Variants in NCKAP5 observed in about 807,000 individuals in gnomAD.
NCKAP5 encodes NCK associated protein 5.
NCKAP5 carries 92 observed loss-of-function variants against 167.0 expected under a neutral mutation model. The observed-to-expected ratio is 0.55, with a 90% CI of 0.47 to 0.66. NCKAP5 has a LOEUF of 0.66. Ranked by LOEUF, NCKAP5 falls within the 30% of genes least tolerant of loss-of-function variation. NCKAP5 has a pLI of 0.00. For synonymous variants in NCKAP5, 891 were observed against 877.4 expected, an observed-to-expected ratio of 1.02 and a Z score of -0.27; for missense variants, 2,378 against 2,315.0, an observed-to-expected ratio of 1.03 and a Z score of -0.56.
chr2:132,892,737 A>T (rs1044110595), intron 8 of NCKAP5, among the ~76,000 whole-genome samples: 1 of 152,228 alleles, frequency 6.6e-6, no homozygotes, highest in Non-Finnish European at 1.5e-5. Flanking sequence ...TCCATTTTAC[A>T]GATGAAGAAA....
chr2:133,117,163 T>C (rs1023027580), intron 6 of NCKAP5: 2 of 152,234 alleles, frequency 1.3e-5, no homozygotes, highest in South Asian at 2.1e-4. Flanking sequence ...TGTAATATTA[T>C]AGTTCGTCTA....
chr2:132,723,400 G>C (rs1457786097), intron 19 of NCKAP5, among the ~76,000 whole-genome samples: 1 of 149,962 alleles, frequency 6.7e-6, no homozygotes, highest in Admixed American at 6.6e-5. Flanking sequence ...CTGACCTTGT[G>C]ATCTACCCGG....
rs563415504 is a variant in NCKAP5, at chr2:133,418,000, A to AT, written c.69+99457dup. ...TTCTTAGATGAACTTTAAAGCTGTG[A>AT]TTTTTCAGTCAAGAGGTTTGAAGGC... is the stretch of plus-strand genomic sequence containing the variant. On this transcript the variant is annotated intron_variant, in intron 3 of 19. Transcript: ENST00000409261. Among the ~76,000 whole-genome samples the AT allele has an allele frequency of 1.1e-3, 175 of 152,292 alleles. 1 individual carries two copies. Among genetic ancestry groups the AT allele is most frequent in the Middle Eastern group, 3.4e-3 (1 of 294 alleles).
At chr2:132,804,332 C>T (rs902880004) in intron 11 of NCKAP5, among the ~76,000 whole-genome samples, 2 of 152,182 alleles carry the variant, frequency 1.3e-5, no homozygotes, top group African/African-American at 4.8e-5. Flanking sequence ...CTAAGAGACA[C>T]AGAAGTGCCC....
At chr2:133,391,096 A>G (rs1687369299) in intron 3 of NCKAP5, 2 of 152,138 alleles carry the variant, frequency 1.3e-5, no homozygotes, top group Non-Finnish European at 2.9e-5. Flanking sequence ...CACTTTCCTG[A>G]GAGCTCTCTG....
At chr2:132,862,375 G>C (rs1689980242) in intron 10 of NCKAP5, among the ~76,000 whole-genome samples, 1 of 152,196 alleles carries the variant, frequency 6.6e-6, no homozygotes, top group Non-Finnish European at 1.5e-5. Context: ...CTTATGTATA[G>C]GGTGTTTTCA....
chr2:132,824,316 G>A (rs2320155), intron 11 of NCKAP5, among the ~76,000 whole-genome samples: 35,785 of 152,000 alleles, frequency 0.24, 4,401 homozygotes, highest in Middle Eastern at 0.34. Flanking sequence ...TTTTACTAGG[G>A]GCTCATGCCA....
At chr2:133,126,913 C>A (rs957350726) in intron 6 of NCKAP5, among the ~76,000 whole-genome samples, 1 of 152,002 alleles carries the variant, frequency 6.6e-6, no homozygotes, top group Non-Finnish European at 1.5e-5. Flanking sequence ...GTAAATCTAC[C>A]TTTTATTGTA....
At chr2:133,654,321 T>C in the NCKAP5 span, among the ~76,000 whole-genome samples, 1 of 152,090 alleles carries the variant, frequency 6.6e-6, no homozygotes, top group East Asian at 1.9e-4. Context: ...GAGATTGCAG[T>C]GAGCCAAGAT....
the NCKAP5 span, among the ~76,000 whole-genome samples, chr2:133,578,916 G>A: frequency 6.6e-6 from 1 of 152,184 alleles, no homozygotes; most frequent in African/African-American, 2.4e-5. Flanking sequence ...AATCTGGAGA[G>A]CCACACAATG....
intron 3 of NCKAP5, among the ~76,000 whole-genome samples, chr2:133,457,795 C>A (rs954184145): frequency 1.3e-5 from 2 of 152,066 alleles, no homozygotes; most frequent in Non-Finnish European, 2.9e-5. Context: ...AATCTCAATT[C>A]TTTTTTCTAG....
At chr2:133,270,562 A>G (rs1234452587) in intron 4 of NCKAP5, among the ~76,000 whole-genome samples, 1 of 152,228 alleles carries the variant, frequency 6.6e-6, no homozygotes, top group Non-Finnish European at 1.5e-5. Context: ...CCTAAAGCTA[A>G]ATCAAAAGGA....
chr2:132,959,239 GTCA>G (rs1338447887), intron 8 of NCKAP5, among the ~76,000 whole-genome samples: 1 of 151,988 alleles, frequency 6.6e-6, no homozygotes, highest in Non-Finnish European at 1.5e-5. Flanking sequence ...CACTGTAATT[GTCA>G]TCATTTCATG....
At chr2:132,794,223 CATATATAT>C (rs1166750939) in intron 12 of NCKAP5, among the ~76,000 whole-genome samples, 219 of 21,098 alleles carry the variant, frequency 0.01, 2 homozygotes, top group East Asian at 0.022. Context: ...AATGTTTATA[CATATATAT>C]ATATATATAT....
chr2:133,368,399 T>G (rs1685587096), intron 3 of NCKAP5, among the ~76,000 whole-genome samples: 1 of 152,244 alleles, frequency 6.6e-6, no homozygotes, highest in Admixed American at 6.5e-5. Context: ...GATTTTTATT[T>G]TTATTTTATT....
chr2:133,362,908 C>A (rs1014987199), intron 3 of NCKAP5, among the ~76,000 whole-genome samples: 2 of 151,936 alleles, frequency 1.3e-5, no homozygotes, highest in Non-Finnish European at 2.9e-5. Context: ...TGCCCGCCAC[C>A]ATGCCAGGCT....
chr2:133,075,997 G>C (rs2080587382), intron 6 of NCKAP5, among the ~76,000 whole-genome samples: 1 of 151,966 alleles, frequency 6.6e-6, no homozygotes, highest in Non-Finnish European at 1.5e-5. Flanking sequence ...AAAAGTGAAA[G>C]GATACAAAAA....
At chr2:132,868,072 T>C (rs1464455968) in intron 10 of NCKAP5, among the ~76,000 whole-genome samples, 1 of 152,138 alleles carries the variant, frequency 6.6e-6, no homozygotes, top group Non-Finnish European at 1.5e-5. Flanking sequence ...AATAAAATTA[T>C]TTTCAATTAA....
intron 5 of NCKAP5, among the ~76,000 whole-genome samples, chr2:133,174,010 G>A (rs2084355285): frequency 6.6e-6 from 1 of 152,022 alleles, no homozygotes; most frequent in South Asian, 2.1e-4. Context: ...ACACAAACCT[G>A]GTACAATACC....
Sources: gnomAD v4.1 joint callset for allele counts (sites outside exome capture counted in the v4.1 genomes callset) on GRCh38, gnomAD v4.1.1 for gene constraint, MANE v1.5 for transcripts, NCBI Gene and HGNC (gene_info 2026-07-23, HGNC 2026-07-21) for gene names.